ZEB1: variants seen among roughly 807,000 people sequenced by gnomAD.
ZEB1 encodes zinc finger E-box binding homeobox 1.
In ZEB1, 21 loss-of-function variants were observed where a neutral mutation model predicts 84.9. The ratio of observed to expected loss-of-function variants is 0.25; its 90% confidence interval spans 0.18 to 0.36. ZEB1 has a LOEUF of 0.36. ZEB1 is among the 10% of genes least tolerant of loss of function. The pLI, the probability that ZEB1 is intolerant of heterozygous loss-of-function variation, is 1.00. For missense variants in ZEB1, 1,104 were observed against 1,330.2 expected (o/e 0.83, Z 2.65); for synonymous variants, 420 against 471.1 (o/e 0.89, Z 1.41).
intron 1 of ZEB1, among the ~76,000 whole-genome samples, chr10:31,338,238 T>C (rs553262885): frequency 3.9e-5 from 6 of 152,360 alleles, no homozygotes; most frequent in African/African-American, 1.4e-4. Flanking sequence ...TTTTAGAATA[T>C]TTACATTTTA....
At chr10:31,452,750 A>T (rs943729449) in intron 1 of ZEB1, among the ~76,000 whole-genome samples, 5,929 of 117,480 alleles carry the variant, frequency 0.05, 179 homozygotes, top group African/African-American at 0.12. Flanking sequence ...TGTGAGAGAG[A>T]GAGAGAGAGA....
chr10:31,394,730 G>A (rs894147288), intron 1 of ZEB1, among the ~76,000 whole-genome samples: 2 of 152,188 alleles, frequency 1.3e-5, no homozygotes. Context: ...GCTGTATAAT[G>A]TTCCGTCATA....
intron 1 of ZEB1, among the ~76,000 whole-genome samples, chr10:31,354,695 C>T (rs868636250): frequency 1.6e-4 from 25 of 152,092 alleles, no homozygotes; most frequent in Admixed American, 6.5e-4. Flanking sequence ...TGAAAGTCAT[C>T]CAGAAGACTT....
chr10:31,363,385 G>C (rs770110955), intron 1 of ZEB1: 85 of 1,534,422 alleles, frequency 5.5e-5, no homozygotes, highest in Non-Finnish European at 4.9e-5. Flanking sequence ...GGCCTTGTCA[G>C]TCTGATTCTT....
intron 1 of ZEB1, among the ~76,000 whole-genome samples, chr10:31,365,911 G>A (rs761855224): frequency 1.8e-4 from 27 of 152,144 alleles, no homozygotes; most frequent in Non-Finnish European, 3.8e-4. Context: ...TTAAACTCCA[G>A]GTTACCATCA....
intron 1 of ZEB1, among the ~76,000 whole-genome samples, chr10:31,404,409 T>C (rs1226597774): frequency 6.6e-6 from 1 of 152,178 alleles, no homozygotes; most frequent in Non-Finnish European, 1.5e-5. Context: ...AGTTACCAAC[T>C]TTGTAGCCTT....
At chr10:31,401,457 G>A (rs145498990) in intron 1 of ZEB1, among the ~76,000 whole-genome samples, 17 of 152,144 alleles carry the variant, frequency 1.1e-4, no homozygotes, top group Admixed American at 2.6e-4. Context: ...GGTGTGGCTC[G>A]TAACAGAAGC....
intron 1 of ZEB1, among the ~76,000 whole-genome samples, chr10:31,338,927 A>G (rs2038802372): frequency 6.6e-6 from 1 of 152,170 alleles, no homozygotes; most frequent in East Asian, 1.9e-4. Flanking sequence ...TATTTGATTC[A>G]GGGATGTTGA....
At chr10:31,389,064 C>T (rs2049149232) in intron 1 of ZEB1, among the ~76,000 whole-genome samples, 1 of 152,038 alleles carries the variant, frequency 6.6e-6, no homozygotes, top group Non-Finnish European at 1.5e-5. Flanking sequence ...TCCTAGAACT[C>T]GTGTTCTAAT....
chr10:31,425,631 A>G (rs994871748), intron 1 of ZEB1, among the ~76,000 whole-genome samples: 3 of 152,098 alleles, frequency 2.0e-5, no homozygotes, highest in South Asian at 2.1e-4. Flanking sequence ...GGACCCATTT[A>G]CTCAGTTGTG....
intron 4 of ZEB1, among the ~76,000 whole-genome samples, chr10:31,508,726 G>A (rs545601448): frequency 2.0e-5 from 3 of 152,120 alleles, no homozygotes; most frequent in South Asian, 4.2e-4. Context: ...AGAGTGCTCA[G>A]GTAAGGACAT....
At chr10:31,500,264 T>C (rs2067930560) in intron 3 of ZEB1, among the ~76,000 whole-genome samples, 1 of 152,198 alleles carries the variant, frequency 6.6e-6, no homozygotes, top group Non-Finnish European at 1.5e-5. Context: ...ACTGATTTGT[T>C]CTGCTTTAGC....
intron 1 of ZEB1, among the ~76,000 whole-genome samples, chr10:31,368,634 T>C (rs2045064575): frequency 6.6e-6 from 1 of 152,230 alleles, no homozygotes; most frequent in Non-Finnish European, 1.5e-5. Context: ...ACTTTGTGAT[T>C]TAATGTAATT....
intron 1 of ZEB1, among the ~76,000 whole-genome samples, chr10:31,378,791 T>G (rs913377397): frequency 6.6e-6 from 1 of 152,000 alleles, no homozygotes; most frequent in African/African-American, 2.4e-5. Flanking sequence ...AATCCCATCT[T>G]ACACTGTAAC....
At chr10:31,424,239 A>AT (rs1475822385) in intron 1 of ZEB1, among the ~76,000 whole-genome samples, 1 of 151,398 alleles carries the variant, frequency 6.6e-6, no homozygotes, top group African/African-American at 2.4e-5. Flanking sequence ...GAGACTATAA[A>AT]TTTTTTTTTG....
At chr10:31,420,263 G>A (rs913158596) in intron 1 of ZEB1, among the ~76,000 whole-genome samples, 3 of 152,096 alleles carry the variant, frequency 2.0e-5, no homozygotes, top group Non-Finnish European at 2.9e-5. Flanking sequence ...CGTATTTATT[G>A]TCTCGTGCTT....
intron 1 of ZEB1, among the ~76,000 whole-genome samples, chr10:31,422,318 A>T (rs937912789): frequency 6.6e-6 from 1 of 152,178 alleles, no homozygotes; most frequent in Admixed American, 6.6e-5. Context: ...AGTAGGAATT[A>T]TCATCTCAGT....
intron 1 of ZEB1, among the ~76,000 whole-genome samples, chr10:31,449,731 T>C (rs563313996): frequency 2.6e-5 from 4 of 152,322 alleles, no homozygotes; most frequent in East Asian, 3.9e-4. Flanking sequence ...ATATCTAGTT[T>C]ATGTTCTCCT....
intron 1 of ZEB1, among the ~76,000 whole-genome samples, chr10:31,440,890 G>T (rs28829414): frequency 6.6e-6 from 1 of 151,932 alleles, no homozygotes; most frequent in Non-Finnish European, 1.5e-5. Context: ...CAAACCACTG[G>T]TCAAGGAAAT....
Sources: allele counts gnomAD v4.1 joint callset (sites outside exome capture counted in the v4.1 genomes callset), GRCh38; gene constraint gnomAD v4.1.1; transcripts MANE v1.5; gene names NCBI Gene and HGNC (gene_info 2026-07-23, HGNC 2026-07-21).